ZBBX: variants seen among roughly 807,000 people sequenced by gnomAD.
The protein encoded by ZBBX is zinc finger B-box domain containing.
ZBBX carries 101 observed loss-of-function variants against 108.5 expected under a neutral mutation model. That is an observed-to-expected ratio of 0.93 (90% confidence interval 0.79 to 1.10). The LOEUF (loss-of-function observed/expected upper bound fraction) is 1.10, where lower values mean the gene tolerates loss of function less well. ZBBX is among the 50% of genes least tolerant of loss of function. The pLI, the probability that ZBBX is intolerant of heterozygous loss-of-function variation, is 0.00. For missense variants in ZBBX, 1,009 were observed against 941.4 expected (o/e 1.07, Z -0.94); for synonymous variants, 356 against 323.4 (o/e 1.10, Z -1.08).
chr3:167,359,511 G>T (rs1234513445), intron 8 of ZBBX, among the ~76,000 whole-genome samples: 10 of 152,128 alleles, frequency 6.6e-5, no homozygotes, highest in Non-Finnish European at 1.5e-4. Context: ...CAATAATGGG[G>T]TGCAGGCTTG....
At chr3:167,191,728 T>C in the ZBBX span, among the ~76,000 whole-genome samples, 1 of 151,760 alleles carries the variant, frequency 6.6e-6, no homozygotes, top group Non-Finnish European at 1.5e-5. Context: ...ATCAGCAGTG[T>C]GAAAACAGAC....
At chr3:167,390,746 G>T (rs1748061578) in intron 1 of ZBBX, among the ~76,000 whole-genome samples, 1 of 151,918 alleles carries the variant, frequency 6.6e-6, no homozygotes, top group African/African-American at 2.4e-5. Flanking sequence ...TATTTTCTTT[G>T]TAGCAGTTGT....
chr3:167,339,664 G>A (rs73030661), intron 9 of ZBBX, among the ~76,000 whole-genome samples: 2,320 of 152,074 alleles, frequency 0.015, 70 homozygotes, highest in African/African-American at 0.053. Flanking sequence ...TGTTTGTTTT[G>A]TTTTTATTTT....
chr3:167,282,153 T>G, intron 20 of ZBBX, 85 bp downstream of exon 20: 1 of 1,381,952 alleles, frequency 7.2e-7, no homozygotes, highest in Admixed American at 2.3e-5. Flanking sequence ...TTTGCTGGCT[T>G]GTTTTGTTAG....
chr3:167,321,977 C>T, intron 12 of ZBBX, 140 bp downstream of exon 12: 1 of 450,696 alleles, frequency 2.2e-6, no homozygotes, highest in Non-Finnish European at 3.6e-6. Flanking sequence ...AGCAACTTCA[C>T]AGGGATTTAA....
chr3:167,304,907 GC>G (rs1560098065), intron 17 of ZBBX, among the ~76,000 whole-genome samples: 1 of 138,026 alleles, frequency 7.2e-6, no homozygotes, highest in Non-Finnish European at 1.7e-5. Context: ...AATCCTCCAA[GC>G]AGAAGTAGCA....
intron 9 of ZBBX, among the ~76,000 whole-genome samples, chr3:167,348,360 GAAAGAAAGAAAAA>G (rs893329033): frequency 1.6e-5 from 2 of 123,806 alleles, no homozygotes; most frequent in African/African-American, 6.6e-5. Flanking sequence ...AAGAAAGAAA[GAAAGAAAGAAAAA>G]AAAGAAAAGA....
chr3:167,367,346 G>T (rs1276388334), intron 5 of ZBBX, among the ~76,000 whole-genome samples: 1 of 151,716 alleles, frequency 6.6e-6, no homozygotes, highest in Non-Finnish European at 1.5e-5. Flanking sequence ...ATATGTAAGC[G>T]AAAATACATG....
chr3:167,311,068 T>A (rs552395069), intron 16 of ZBBX, among the ~76,000 whole-genome samples: 1 of 152,246 alleles, frequency 6.6e-6, no homozygotes, highest in South Asian at 2.1e-4. Context: ...TATAAATCTA[T>A]AACAATCAAG....
intron 6 of ZBBX, among the ~76,000 whole-genome samples, chr3:167,362,288 C>T (rs1238793853): frequency 6.6e-6 from 1 of 152,012 alleles, no homozygotes; most frequent in Non-Finnish European, 1.5e-5. Flanking sequence ...CATGCTGACT[C>T]CTCCACCAGT....
At chr3:167,178,718 A>T in the ZBBX span, among the ~76,000 whole-genome samples, 1 of 152,188 alleles carries the variant, frequency 6.6e-6, no homozygotes, top group African/African-American at 2.4e-5. Context: ...ACTTTTTGTT[A>T]TCGGATCTCT....
the ZBBX span, among the ~76,000 whole-genome samples, chr3:167,186,826 G>T: frequency 7.2e-5 from 11 of 152,134 alleles, no homozygotes; most frequent in African/African-American, 2.7e-4. Context: ...CATTGAATAG[G>T]TCGCCATAGT....
At chr3:167,317,243 A>G in intron 13 of ZBBX, 138 bp from the exon 14 acceptor site, 1 of 670,970 alleles carries the variant, frequency 1.5e-6, no homozygotes, top group Non-Finnish European at 2.4e-6. Flanking sequence ...CAATTTTCCC[A>G]GTTCAAGTGA....
chr3:167,314,684 C>T (rs1043336464), intron 15 of ZBBX, among the ~76,000 whole-genome samples: 3 of 151,990 alleles, frequency 2.0e-5, no homozygotes, highest in African/African-American at 7.3e-5. Context: ...TATATTCAAC[C>T]GAAAAGGCCC....
Position 167,242,644 on chromosome 3 carries a change from C to A in ZBBX, c.2255-1G>T. On this transcript the variant is annotated splice_acceptor_variant, in intron 20 of 21. Coordinates refer to ENST00000675490, the MANE Select transcript of ZBBX (RefSeq NM_001199201.2). LOFTEE classifies it high-confidence loss of function. ...AAGCTGTAAAGCTTTTCTGAAGTAT[C>A]TGAAATATTTTATTTCATGCATTGT... The A allele has an allele frequency of 1.9e-6, 3 of 1,608,976 alleles. No individual in the cohort carries two copies. Among genetic ancestry groups the A allele is most frequent in the Non-Finnish European group, 1.7e-6 (2 of 1,178,280 alleles).
chr3:167,223,654 T>A, the ZBBX span, among the ~76,000 whole-genome samples: 3 of 151,970 alleles, frequency 2.0e-5, no homozygotes, highest in African/African-American at 7.2e-5. Context: ...GAAGTATGAT[T>A]AATGAACAAG....
At chr3:167,288,453 C>A (rs554155297) in intron 19 of ZBBX, among the ~76,000 whole-genome samples, 1 of 152,194 alleles carries the variant, frequency 6.6e-6, no homozygotes, top group East Asian at 1.9e-4. Flanking sequence ...AGCATCTTAA[C>A]CTAAGTCAAT....
At chr3:167,343,865 T>A (rs993191702) in intron 9 of ZBBX, among the ~76,000 whole-genome samples, 6 of 151,896 alleles carry the variant, frequency 4.0e-5, no homozygotes, top group Admixed American at 1.3e-4. Flanking sequence ...ATTCCACCAG[T>A]AGGTATCTAG....
the ZBBX span, among the ~76,000 whole-genome samples, chr3:167,195,890 A>G: frequency 6.6e-6 from 1 of 152,232 alleles, no homozygotes; most frequent in African/African-American, 2.4e-5. Context: ...TTGAAGTTCA[A>G]GAGTTTTATC....
Sources: allele counts gnomAD v4.1 joint callset (sites outside exome capture counted in the v4.1 genomes callset), GRCh38; gene constraint gnomAD v4.1.1; transcripts MANE v1.5; gene names NCBI Gene and HGNC (gene_info 2026-07-23, HGNC 2026-07-21).